Variants in SND1 observed in about 807,000 individuals in gnomAD.
The protein encoded by SND1 is staphylococcal nuclease and tudor domain containing 1.
SND1 carries 38 observed loss-of-function variants against 121.7 expected under a neutral mutation model. The observed-to-expected ratio is 0.31, with a 90% CI of 0.24 to 0.41. The LOEUF (loss-of-function observed/expected upper bound fraction) is 0.41. SND1 is among the 10% of genes least tolerant of loss of function. The pLI, the probability that SND1 is intolerant of heterozygous loss-of-function variation, is 1.00. For synonymous variants in SND1, 401 were observed against 447.4 expected (o/e 0.90, Z 1.31); for missense variants, 868 against 1,184.6 (o/e 0.73, Z 3.92).
chr7:127,967,720 G>A (rs1801887455), intron 15 of SND1, among the ~76,000 whole-genome samples: 1 of 152,118 alleles, frequency 6.6e-6, no homozygotes, highest in Non-Finnish European at 1.5e-5. Context: ...TTTTACATTA[G>A]TATACGGTTA....
intron 17 of SND1, among the ~76,000 whole-genome samples, chr7:128,075,391 G>T (rs1353634588): frequency 3.3e-5 from 5 of 152,246 alleles, no homozygotes; most frequent in Non-Finnish European, 7.3e-5. Flanking sequence ...GGACAGCCGT[G>T]CTGAGCTATA....
chr7:127,960,851 C>G (rs901056998), intron 15 of SND1, among the ~76,000 whole-genome samples: 3 of 152,218 alleles, frequency 2.0e-5, no homozygotes, highest in Non-Finnish European at 4.4e-5. Flanking sequence ...AACTCAACTT[C>G]TGTGAGTTTC....
intron 16 of SND1, chr7:128,031,715 C>CCGGGGGCGGGCGCGGGTCCGGCGG (rs1792610373): frequency 1.4e-5 from 2 of 143,456 alleles, no homozygotes; most frequent in Admixed American, 6.9e-5. Flanking sequence ...TTCAGAGAGT[C>CCGGGGGCGGGCGCGGGTCCGGCGG]CGGGGGCGGG....
chr7:127,956,327 G>A (rs1313949691), intron 15 of SND1, among the ~76,000 whole-genome samples: 1 of 152,108 alleles, frequency 6.6e-6, no homozygotes, highest in Non-Finnish European at 1.5e-5. Context: ...TGCTCCAATT[G>A]CCCCTGCATT....
intron 1 of SND1, among the ~76,000 whole-genome samples, chr7:127,679,932 T>A (rs1795685686): frequency 6.6e-6 from 1 of 152,226 alleles, no homozygotes; most frequent in South Asian, 2.1e-4. Flanking sequence ...CATATGTTTG[T>A]ATTTCTCTTG....
chr7:127,961,770 A>G (rs1425487559), intron 15 of SND1, among the ~76,000 whole-genome samples: 1 of 152,232 alleles, frequency 6.6e-6, no homozygotes, highest in East Asian at 1.9e-4. Context: ...AGAATAAATC[A>G]GTGCAAATGC....
Position 128,017,230 on chromosome 7 carries a change from T to C in SND1, c.1779+26174T>C, listed in dbSNP as rs185594918. On this transcript the variant is annotated intron_variant, in intron 16 of 23. Transcript: ENST00000354725. Reference sequence around the variant, plus strand: ...CACGCCAGAGCCTTGGAGGTTAGGGTAGGGAGGTTCTTCCCCCTGTTCTCA... The same window carrying C: ...CACGCCAGAGCCTTGGAGGTTAGGGCAGGGAGGTTCTTCCCCCTGTTCTCA... 1.1e-4 allele frequency among the ~76,000 whole-genome samples: 16 copies of C among 152,218 alleles called. No individual in the cohort carries two copies. In the East Asian group the frequency reaches 3.1e-3, roughly 29 times the overall value.
chr7:127,918,189 G>A (rs1444454944), intron 14 of SND1, among the ~76,000 whole-genome samples: 1 of 151,254 alleles, frequency 6.6e-6, no homozygotes, highest in Admixed American at 6.6e-5. Context: ...CTCCCGAGAA[G>A]GTGGGATTAT....
chr7:128,020,118 T>G (rs755036753), intron 16 of SND1, among the ~76,000 whole-genome samples: 5 of 152,122 alleles, frequency 3.3e-5, no homozygotes, highest in Non-Finnish European at 5.9e-5. Context: ...CCCCTTTTGG[T>G]TTATTAGCCA....
intron 16 of SND1, among the ~76,000 whole-genome samples, chr7:128,064,894 A>T (rs1793288021): frequency 6.6e-6 from 1 of 152,226 alleles, no homozygotes; most frequent in African/African-American, 2.4e-5. Context: ...GTCAAAAATG[A>T]TTAAATCTGA....
intron 10 of SND1, among the ~76,000 whole-genome samples, chr7:127,770,405 G>A (rs943540263): frequency 1.3e-5 from 2 of 152,210 alleles, no homozygotes; most frequent in East Asian, 1.9e-4. Flanking sequence ...TGATATTGCT[G>A]TAACTGGTAC....
intron 16 of SND1, among the ~76,000 whole-genome samples, chr7:128,024,873 G>A (rs1803439222): frequency 6.6e-6 from 1 of 152,072 alleles, no homozygotes; most frequent in Non-Finnish European, 1.5e-5. Flanking sequence ...TGTTGAGCCG[G>A]GTAAGCAAAA....
At chr7:128,018,346 A>G (rs1803272696) in intron 16 of SND1, among the ~76,000 whole-genome samples, 1 of 152,250 alleles carries the variant, frequency 6.6e-6, no homozygotes, top group Non-Finnish European at 1.5e-5. Context: ...TGCCAACCCC[A>G]TCCAGCTGCT....
intron 10 of SND1, among the ~76,000 whole-genome samples, chr7:127,736,804 T>G (rs1254899250): frequency 6.6e-6 from 1 of 151,858 alleles, no homozygotes; most frequent in Non-Finnish European, 1.5e-5. Flanking sequence ...AAGGGTAGAG[T>G]GGATAGGTAC....
At chr7:127,662,113 C>A (rs1316779172) in intron 1 of SND1, among the ~76,000 whole-genome samples, 1 of 151,332 alleles carries the variant, frequency 6.6e-6, no homozygotes, top group Non-Finnish European at 1.5e-5. Context: ...AAGACACAGT[C>A]TCAAAAAAAA....
chr7:127,695,937 G>A (rs1197648003), intron 3 of SND1, among the ~76,000 whole-genome samples: 2 of 152,126 alleles, frequency 1.3e-5, no homozygotes, highest in African/African-American at 2.4e-5. Flanking sequence ...TGGGCTTTTT[G>A]GATTAGGTAG....
intron 10 of SND1, among the ~76,000 whole-genome samples, chr7:127,770,448 T>C (rs544171067): frequency 1.3e-4 from 20 of 151,842 alleles, no homozygotes; most frequent in African/African-American, 4.6e-4. Context: ...TTTGCATACC[T>C]GCACTAATTA....
intron 16 of SND1, among the ~76,000 whole-genome samples, chr7:128,032,831 G>T (rs933658500): frequency 6.6e-6 from 1 of 152,182 alleles, no homozygotes; most frequent in Non-Finnish European, 1.5e-5. Flanking sequence ...GCTCTCACTG[G>T]GGCTTTAAAT....
intron 14 of SND1, among the ~76,000 whole-genome samples, chr7:127,912,663 T>A (rs1383400251): frequency 6.6e-6 from 1 of 152,176 alleles, no homozygotes; most frequent in Non-Finnish European, 1.5e-5. Flanking sequence ...AAAATGAAAT[T>A]TTCTACATGA....
Sources: allele counts gnomAD v4.1 joint callset (sites outside exome capture counted in the v4.1 genomes callset), GRCh38; gene constraint gnomAD v4.1.1; transcripts MANE v1.5; gene names NCBI Gene and HGNC (gene_info 2026-07-23, HGNC 2026-07-21).